ITGBL1: variants seen among roughly 807,000 people sequenced by gnomAD.
ITGBL1 encodes the protein integrin subunit beta like 1.
Under a neutral mutation model 68.5 loss-of-function variants are expected in ITGBL1, and 51 were observed. That is an observed-to-expected ratio of 0.74 (90% CI 0.59 to 0.94). ITGBL1 has a LOEUF of 0.94. Ranked by LOEUF, ITGBL1 falls within the 40% of genes least tolerant of loss-of-function variation. The pLI is 0.00. For synonymous variants in ITGBL1, 209 were observed against 227.3 expected, an observed-to-expected ratio of 0.92 and a Z score of 0.72; for missense variants, 649 against 647.4, an observed-to-expected ratio of 1.00 and a Z score of -0.03.
At position 101,526,937 on chromosome 13, in the gene ITGBL1, G is replaced by T. The variant is rs1483638321; in HGVS notation, c.317-40762G>T. 9.2e-5 allele frequency among the ~76,000 whole-genome samples: 14 copies of T among 151,832 alleles called. No individual in the cohort carries two copies. In the East Asian group the frequency reaches 2.3e-3, roughly 25 times the overall value. The stretch of plus-strand genomic sequence containing the variant: ...AACATAATGCCATAATCACACCCAA[G>T]AAAAATAATAATTTCTTATATAATA... On this transcript the variant is annotated intron_variant, in intron 2 of 10. Coordinates refer to ENST00000376180, the MANE Select transcript of ITGBL1 (RefSeq NM_004791.3).
At chr13:101,660,993 C>A (rs2033070846) in intron 7 of ITGBL1, among the ~76,000 whole-genome samples, 1 of 152,096 alleles carries the variant, frequency 6.6e-6, no homozygotes, top group Non-Finnish European at 1.5e-5. Context: ...CTTTTCCATA[C>A]AACTGTTGAC....
At chr13:101,510,416 G>A (rs1331622030) in intron 2 of ITGBL1, among the ~76,000 whole-genome samples, 1 of 152,010 alleles carries the variant, frequency 6.6e-6, no homozygotes, top group African/African-American at 2.4e-5. Context: ...ACCATTGATG[G>A]GTATGTAGGT....
chr13:101,707,015 A>G (rs1202420658), intron 9 of ITGBL1, 113 bp downstream of exon 9: 4 of 1,092,172 alleles, frequency 3.7e-6, no homozygotes, highest in Non-Finnish European at 5.4e-6. Flanking sequence ...GCAAACCACT[A>G]TGTCCTCTGC....
At position 101,573,027 on chromosome 13, in the gene ITGBL1, T is replaced by A. The variant is rs144824452; in HGVS notation, c.464-2397T>A. On this transcript the variant is annotated intron_variant, in intron 3 of 10. Coordinates refer to ENST00000376180, the MANE Select transcript of ITGBL1 (RefSeq NM_004791.3). ...CTATACAAAATGTATTAATAGGGTA[T>A]CTCTTCCTGGTCTATGATTTACTTA... Among the ~76,000 whole-genome samples, 936 of 152,258 alleles carry A rather than the reference T, an allele frequency of 6.1e-3. 26 individuals are homozygous for A. The highest frequency in any genetic ancestry group is 0.048 in the Admixed American group (730 of 15,274).
chr13:101,650,841 C>T (rs1310532228), intron 7 of ITGBL1, among the ~76,000 whole-genome samples: 1 of 152,104 alleles, frequency 6.6e-6, no homozygotes, highest in Non-Finnish European at 1.5e-5. Flanking sequence ...CCCCACAGCC[C>T]ACTGATATGT....
At chr13:101,551,849 G>T (rs1227979778) in intron 2 of ITGBL1, among the ~76,000 whole-genome samples, 6 of 152,128 alleles carry the variant, frequency 3.9e-5, no homozygotes, top group Non-Finnish European at 7.3e-5. Context: ...TTAAAAATGA[G>T]ATAGTTTGTA....
intron 2 of ITGBL1, among the ~76,000 whole-genome samples, chr13:101,531,708 T>TTTTG (rs10642342): frequency 0.19 from 22,499 of 115,754 alleles, 1,780 homozygotes; most frequent in African/African-American, 0.23. Flanking sequence ...TTGTTATTTA[T>TTTTG]TTATTTATTT....
intron 2 of ITGBL1, among the ~76,000 whole-genome samples, chr13:101,506,908 G>T (rs2049035241): frequency 6.6e-6 from 1 of 152,094 alleles, no homozygotes; most frequent in African/African-American, 2.4e-5. Flanking sequence ...GGAGATGAGG[G>T]GTTTGAAGAT....
At chr13:101,463,423 CTT>C in intron 2 of ITGBL1, among the ~76,000 whole-genome samples, 1 of 152,274 alleles carries the variant, frequency 6.6e-6, no homozygotes, top group Non-Finnish European at 1.5e-5. Context: ...TTGTATATGT[CTT>C]TGTCTCAGAA....
intron 7 of ITGBL1, among the ~76,000 whole-genome samples, chr13:101,679,195 C>G (rs113413995): frequency 6.6e-6 from 1 of 152,192 alleles, no homozygotes; most frequent in East Asian, 1.9e-4. Flanking sequence ...CGTGAGCCAC[C>G]GCGCCTGGCC....
intron 2 of ITGBL1, among the ~76,000 whole-genome samples, chr13:101,534,379 A>G (rs540365478): frequency 3.3e-5 from 5 of 152,302 alleles, no homozygotes; most frequent in Admixed American, 2.6e-4. Context: ...ATAGGTAGGA[A>G]TGGTTTTAGG....
chr13:101,604,885 T>TACACACACACACACACAC (rs1449617732), intron 7 of ITGBL1, among the ~76,000 whole-genome samples: 32 of 11,910 alleles, frequency 2.7e-3, no homozygotes, highest in African/African-American at 4.8e-3. Flanking sequence ...TATATATATA[T>TACACACACACACACACAC]ATACACACAC....
At chr13:101,689,494 G>A (rs893619432) in intron 7 of ITGBL1, among the ~76,000 whole-genome samples, 8 of 151,388 alleles carry the variant, frequency 5.3e-5, no homozygotes, top group African/African-American at 1.9e-4. Context: ...AGTCCCAACT[G>A]CTCAGGAGGC....
At chr13:101,596,958 T>C (rs2030008668) in intron 6 of ITGBL1, among the ~76,000 whole-genome samples, 1 of 152,086 alleles carries the variant, frequency 6.6e-6, no homozygotes, top group Admixed American at 6.5e-5. Flanking sequence ...CACAGAGGGT[T>C]TTCAGGGCAG....
intron 3 of ITGBL1, among the ~76,000 whole-genome samples, chr13:101,573,523 A>G (rs1333083333): frequency 2.0e-5 from 3 of 152,142 alleles, no homozygotes; most frequent in African/African-American, 4.8e-5. Flanking sequence ...AATATACTCT[A>G]TATCTTAATG....
intron 6 of ITGBL1, among the ~76,000 whole-genome samples, chr13:101,585,444 T>C (rs908695101): frequency 6.6e-6 from 1 of 152,172 alleles, no homozygotes; most frequent in Admixed American, 6.5e-5. Flanking sequence ...ACCATTTTCT[T>C]TTTTGAGATG....
At chr13:101,719,475 C>G (rs1359749828), downstream of ITGBL1, 1 of 152,064 alleles carries the variant, frequency 6.6e-6, no homozygotes, top group Non-Finnish European at 1.5e-5. Context: ...AAATGATGTT[C>G]AGTTCCATTT....
At chr13:101,543,078 G>A (rs1467577412) in intron 2 of ITGBL1, among the ~76,000 whole-genome samples, 2 of 152,306 alleles carry the variant, frequency 1.3e-5, no homozygotes, top group African/African-American at 2.4e-5. Flanking sequence ...ATATTGTTAT[G>A]TGTGAATTTG....
intron 2 of ITGBL1, among the ~76,000 whole-genome samples, chr13:101,490,492 C>T (rs1352077826): frequency 6.6e-6 from 1 of 152,188 alleles, no homozygotes; most frequent in Non-Finnish European, 1.5e-5. Context: ...GAAGACAAGA[C>T]TAATTAAAAT....
Sources: gnomAD v4.1 joint callset for allele counts (sites outside exome capture counted in the v4.1 genomes callset) on GRCh38, gnomAD v4.1.1 for gene constraint, MANE v1.5 for transcripts, NCBI Gene and HGNC (gene_info 2026-07-23, HGNC 2026-07-21) for gene names.